The following NCOR2 variants were observed in gnomAD, a reference collection of about 807,000 sequenced individuals.
The protein encoded by NCOR2 is nuclear receptor corepressor 2, also known as CTG repeat protein 26.
Under a neutral mutation model 262.9 loss-of-function variants are expected in NCOR2, and 81 were observed. The ratio of observed to expected loss-of-function variants is 0.31; its 90% CI spans 0.26 to 0.37. NCOR2 has a LOEUF of 0.37. Among genes scored for constraint, NCOR2 ranks in the 10% least tolerant of loss-of-function variants. NCOR2 has a pLI of 1.00. For missense variants in NCOR2, 3,385 were observed against 3,621.4 expected, an observed-to-expected ratio of 0.93 and a Z score of 1.68; for synonymous variants, 1,659 against 1,559.3, an observed-to-expected ratio of 1.06 and a Z score of -1.51.
At chr12:124,452,273 A>T (rs1390703335) in intron 6 of NCOR2, among the ~76,000 whole-genome samples, 1 of 152,222 alleles carries the variant, frequency 6.6e-6, no homozygotes, top group East Asian at 1.9e-4. Flanking sequence ...GGGCCCTGTG[A>T]AGATGCCCAT....
Position 124,372,689 on chromosome 12 carries a change from G to C in NCOR2, c.2219-79C>G, listed in dbSNP as rs530250152. 137 of 1,254,902 alleles carry C rather than the reference G, an allele frequency of 1.1e-4. 2 individuals carry two copies. Among genetic ancestry groups the C allele is most frequent in the Middle Eastern group, 4.7e-4 (2 of 4,218 alleles). The allele number at this position is 1,254,902 out of a possible 1,614,324, so 77.7% of individuals were successfully genotyped here. On this transcript the variant is annotated intron_variant, in intron 19 of 46. Transcript: ENST00000405201. ...AAGAGATGCATGGCCCTGACCCTCC[G>C]GATGAGGCCGCTCTGTCGCCTGATG...
chr12:124,351,988 A>G (rs1373155725), intron 27 of NCOR2, among the ~76,000 whole-genome samples: 5 of 152,178 alleles, frequency 3.3e-5, no homozygotes, highest in African/African-American at 1.2e-4. Context: ...AGTTCACCGC[A>G]GATCCTGGTC....
At chr12:124,326,577 G>A (rs1048607347) in intron 45 of NCOR2, among the ~76,000 whole-genome samples, 1 of 152,164 alleles carries the variant, frequency 6.6e-6, no homozygotes, top group African/African-American at 2.4e-5. Flanking sequence ...CTGGAGGGTG[G>A]AGATAGTTTC....
chr12:124,357,995 G>GGT (rs764237314), intron 22 of NCOR2, among the ~76,000 whole-genome samples: 19 of 149,126 alleles, frequency 1.3e-4, no homozygotes, highest in East Asian at 4.0e-4. Flanking sequence ...GGTAACCTGT[G>GGT]GTGTGTGTGT....
intron 6 of NCOR2, among the ~76,000 whole-genome samples, chr12:124,452,846 C>T (rs899592789): frequency 2.6e-5 from 4 of 152,196 alleles, no homozygotes; most frequent in Non-Finnish European, 5.9e-5. Context: ...AGGCGGCCAT[C>T]GGTGAGGGGC....
rs3040848 is a variant in NCOR2, at chr12:124,501,062, GCACACACACACACACA to G, written c.-117-5710_-117-5695del. On this transcript the variant is annotated intron_variant, in intron 1 of 46. Coordinates refer to the NCOR2 transcript ENST00000404621. ...ACGGCACGAGCGCGCGCGCACGCGC[GCACACACACACACACA>G]CACACACACACACACACACACACAC... 9.0e-3 allele frequency among the ~76,000 whole-genome samples: 1,330 copies of G among 147,908 alleles called. 14 individuals are homozygous for G. Among genetic ancestry groups the G allele is most frequent in the Non-Finnish European group, 0.014 (966 of 66,982 alleles).
chr12:124,373,659 A>G lies in NCOR2; in HGVS notation c.2218+754T>C, dbSNP rs59883695. Among the ~76,000 whole-genome samples the G allele has an allele frequency of 3.3e-4, 42 of 126,484 alleles. 2 individuals carry two copies. Among genetic ancestry groups the G allele is most frequent in the East Asian group, 1.7e-3 (6 of 3,434 alleles). 83.0% of individuals were successfully genotyped at this position (126,484 alleles called of 152,430 possible). ...TGCGCAGGGGCCCCGGGCACAGTGG[A>G]CAATCATGAGGCCAGTGCGTGCGCA... is the stretch of plus-strand genomic sequence containing the variant. On this transcript the variant is annotated intron_variant, in intron 19 of 46. Transcript: ENST00000405201.
chr12:124,557,301 G>A (rs754920891), intron 1 of NCOR2, among the ~76,000 whole-genome samples: 13 of 152,216 alleles, frequency 8.5e-5, no homozygotes, highest in Non-Finnish European at 1.9e-4. Context: ...GTCACAGTTC[G>A]GGAGGCCAGA....
intron 1 of NCOR2, among the ~76,000 whole-genome samples, chr12:124,550,007 G>C (rs1046122484): frequency 2.6e-5 from 4 of 152,190 alleles, no homozygotes; most frequent in African/African-American, 9.6e-5. Context: ...ATCCTGTATC[G>C]CAGGGGTCTG....
intron 18 of NCOR2, among the ~76,000 whole-genome samples, chr12:124,374,983 T>C (rs1486781963): frequency 1.3e-5 from 2 of 152,116 alleles, no homozygotes; most frequent in Admixed American, 6.5e-5. Flanking sequence ...TTAGAAACAA[T>C]AGCAACAGCA....
chr12:124,554,463 C>T (rs1337947407), intron 1 of NCOR2, among the ~76,000 whole-genome samples: 1 of 152,194 alleles, frequency 6.6e-6, no homozygotes, highest in Non-Finnish European at 1.5e-5. Context: ...GTGCCCCCTC[C>T]CACTCAACTC....
intron 5 of NCOR2, among the ~76,000 whole-genome samples, chr12:124,459,862 G>A (rs755903774): frequency 1.1e-4 from 16 of 152,052 alleles, no homozygotes; most frequent in South Asian, 2.1e-4. Flanking sequence ...AGCCCTCACA[G>A]GACCTTGACC....
intron 1 of NCOR2, chr12:124,555,899 G>C (rs1035983734): frequency 4.6e-5 from 7 of 152,288 alleles, no homozygotes; most frequent in African/African-American, 1.7e-4. Flanking sequence ...ACTGAAAACA[G>C]TAAGCACTGG....
intron 16 of NCOR2, among the ~76,000 whole-genome samples, chr12:124,392,248 G>T (rs908278437): frequency 6.6e-6 from 1 of 152,204 alleles, no homozygotes; most frequent in Non-Finnish European, 1.5e-5. Flanking sequence ...GCTGACAGGA[G>T]CAAGAGTGTG....
chr12:124,449,839 C>T (rs769854849), exon 7 of NCOR2: 16 of 1,613,944 alleles, frequency 9.9e-6, no homozygotes, highest in African/African-American at 5.3e-5. Flanking sequence ...ATGATACTGC[C>T]GGGTGTCGGA....
intron 13 of NCOR2, among the ~76,000 whole-genome samples, chr12:124,411,368 C>A (rs1265995483): frequency 6.6e-6 from 1 of 152,130 alleles, no homozygotes; most frequent in African/African-American, 2.4e-5. Context: ...AGATGGGGAA[C>A]AGTGGAGAGT....
chr12:124,395,592 G>A (rs914323970), intron 16 of NCOR2, among the ~76,000 whole-genome samples: 7 of 152,160 alleles, frequency 4.6e-5, no homozygotes, highest in Middle Eastern at 3.2e-3. Context: ...GCTCCTCTCC[G>A]CCGGTGAGTC....
At chr12:124,458,676 T>C (rs763657412) in intron 5 of NCOR2, among the ~76,000 whole-genome samples, 15 of 152,306 alleles carry the variant, frequency 9.8e-5, no homozygotes, top group South Asian at 6.2e-4. Context: ...ATCTCACAGA[T>C]GGTGAAACTG....
chr12:124,424,756 T>C (rs1458347542), intron 11 of NCOR2, among the ~76,000 whole-genome samples: 1 of 152,172 alleles, frequency 6.6e-6, no homozygotes, highest in Non-Finnish European at 1.5e-5. Flanking sequence ...AGGAGTGTCA[T>C]TGCTTTGGAG....
Sources: allele counts gnomAD v4.1 joint callset (sites outside exome capture counted in the v4.1 genomes callset), GRCh38; gene constraint gnomAD v4.1.1; transcripts MANE v1.5; gene names NCBI Gene and HGNC (gene_info 2026-07-23, HGNC 2026-07-21).